Variants in PRMT8 observed in about 807,000 individuals in gnomAD.
PRMT8 encodes the protein protein arginine N-methyltransferase 8.
A neutral mutation model predicts 47.1 loss-of-function variants in PRMT8; 7 were observed. That is an observed-to-expected ratio of 0.15 (90% CI 0.08 to 0.28). The LOEUF (loss-of-function observed/expected upper bound fraction) is 0.28, where lower values mean the gene tolerates loss of function less well. PRMT8 is among the 10% of genes least tolerant of loss of function. PRMT8 has a pLI of 1.00. For synonymous variants in PRMT8, 188 were observed against 186.5 expected, an observed-to-expected ratio of 1.01 and a Z score of -0.07; for missense variants, 237 against 505.4, an observed-to-expected ratio of 0.47 and a Z score of 5.09.
intron 1 of PRMT8, among the ~76,000 whole-genome samples, chr12:3,452,506 G>A (rs1864930506): frequency 6.6e-6 from 1 of 152,206 alleles, no homozygotes; most frequent in South Asian, 2.1e-4. Flanking sequence ...CTCGGAAGCT[G>A]CCCTGGGCTG....
Position 3,450,307 on chromosome 12 carries a change from C to T in PRMT8, c.48+68865C>T, listed in dbSNP as rs141736370. ...TCTTGGATGTTGAATGGATCTTTTA[C>T]CCATATGAGATTTTGTAACATCGTA... On this transcript the variant is annotated intron_variant, in intron 1 of 9. Coordinates refer to the PRMT8 transcript ENST00000452611. Among the ~76,000 whole-genome samples the T allele has an allele frequency of 6.6e-5, 10 of 152,250 alleles. No homozygotes were observed. In the East Asian group the frequency reaches 1.9e-3, roughly 29 times the overall value.
At chr12:3,591,316 G>A (rs935176149) in intron 8 of PRMT8, among the ~76,000 whole-genome samples, 7 of 151,890 alleles carry the variant, frequency 4.6e-5, no homozygotes, top group African/African-American at 1.7e-4. Flanking sequence ...TTCTGATCTG[G>A]TTAGGAAGAT....
At position 3,593,372 on chromosome 12, in the gene PRMT8, C is replaced by T. The variant is rs536540746; in HGVS notation, c.*190C>T. ...CTGGACAGAAGGCCTCCAGCTCCTC[C>T]GCTCTGCCCTGGTAGCCCTTCACGA... On this transcript the variant is annotated 3_prime_UTR_variant, in exon 10 of 10. Transcript: ENST00000382622. This position sits in a 1 kb window ranked among gnomAD's most constrained non-coding sequence, Gnocchi z 4.8. 1.8e-4 allele frequency: 102 copies of T among 575,070 alleles called. No individual in the cohort carries two copies. The highest frequency in any genetic ancestry group is 6.8e-4 in the Admixed American group (20 of 29,286). The allele number at this position is 575,070 out of a possible 1,614,324, so 35.6% of individuals were successfully genotyped here.
chr12:3,381,415 T>C (rs750395262), exon 1 of PRMT8: 17 of 1,536,030 alleles, frequency 1.1e-5, no homozygotes, highest in Admixed American at 3.9e-5. Flanking sequence ...TGGCTTCAGA[T>C]GGATTCAAGC....
chr12:3,397,933 G>A (rs11830352), intron 1 of PRMT8, among the ~76,000 whole-genome samples: 34,941 of 152,112 alleles, frequency 0.23, 4,167 homozygotes, highest in Middle Eastern at 0.28. Context: ...TTTTAAGCCC[G>A]TCGGAAAAGC....
chr12:3,567,666 TA>T (rs1213193387), intron 4 of PRMT8, among the ~76,000 whole-genome samples: 9 of 152,218 alleles, frequency 5.9e-5, no homozygotes, highest in Non-Finnish European at 8.8e-5. Context: ...CCACAGGGGT[TA>T]GGGGTGCCAA....
At chr12:3,448,631 C>T (rs35330987) in intron 1 of PRMT8, among the ~76,000 whole-genome samples, 1 of 151,926 alleles carries the variant, frequency 6.6e-6, no homozygotes, top group African/African-American at 2.4e-5. Context: ...ACTTTGATAA[C>T]CAAAAAGTCG....
chr12:3,484,478 G>C (rs756764241), intron 1 of PRMT8, among the ~76,000 whole-genome samples: 1 of 152,222 alleles, frequency 6.6e-6, no homozygotes, highest in South Asian at 2.1e-4. Context: ...GTCTCTGTCT[G>C]CTATGGTTAA....
At chr12:3,407,649 T>C (rs1276218327) in intron 1 of PRMT8, among the ~76,000 whole-genome samples, 1 of 152,200 alleles carries the variant, frequency 6.6e-6, no homozygotes, top group Non-Finnish European at 1.5e-5. Flanking sequence ...TGGATCTGGA[T>C]GTCTATGTCT....
intron 1 of PRMT8, among the ~76,000 whole-genome samples, chr12:3,381,950 G>T (rs547954815): frequency 6.6e-6 from 1 of 152,280 alleles, no homozygotes; most frequent in South Asian, 2.1e-4. Context: ...GTCATTTCAA[G>T]ATAGCTACAT....
rs1866725654 is a variant in PRMT8, at chr12:3,566,652, C to A, written c.482-2054C>A. On this transcript the variant is annotated intron_variant, in intron 4 of 9. Transcript: ENST00000382622. The surrounding 1 kb of genome is among the most constrained non-coding windows in gnomAD (Gnocchi z 4.7). ...CTGTGAAGAAACTAAATAAAGCCAG[C>A]AAACGGTGTGCTCTTTGCCATCCAG... Among the ~76,000 whole-genome samples, 1 of 152,196 alleles carries A rather than the reference C, an allele frequency of 6.6e-6. No homozygotes were observed. The highest frequency in any genetic ancestry group is 2.4e-5 in the African/African-American group (1 of 41,450).
chr12:3,416,772 GAC>G (rs1864487718), intron 1 of PRMT8, among the ~76,000 whole-genome samples: 1 of 152,222 alleles, frequency 6.6e-6, no homozygotes, highest in Non-Finnish European at 1.5e-5. Context: ...GTTGAGGAAA[GAC>G]AATGTCAGGA....
chr12:3,443,408 G>T (rs1864823885), intron 1 of PRMT8, among the ~76,000 whole-genome samples: 1 of 152,078 alleles, frequency 6.6e-6, no homozygotes, highest in African/African-American at 2.4e-5. Context: ...GCCCAGTGTT[G>T]CTTAAGCCAA....
intron 1 of PRMT8, among the ~76,000 whole-genome samples, chr12:3,410,924 C>G (rs1252078456): frequency 6.6e-6 from 1 of 152,196 alleles, no homozygotes; most frequent in African/African-American, 2.4e-5. Context: ...AACATTGTGT[C>G]TGAAAAATAT....
intron 1 of PRMT8, among the ~76,000 whole-genome samples, chr12:3,405,231 T>A (rs559570350): frequency 1.3e-5 from 2 of 152,112 alleles, no homozygotes; most frequent in Non-Finnish European, 2.9e-5. Context: ...CCATCAGATC[T>A]TGTGAAAACT....
In PRMT8 at chr12:3,453,242, G is replaced by T. The variant is rs190686553; in HGVS notation, c.48+71800G>T. On this transcript the variant is annotated intron_variant, in intron 1 of 9. Transcript: ENST00000452611. This position sits in a 1 kb window ranked among gnomAD's most constrained non-coding sequence, Gnocchi z 4.9. ...AAGCCACGGTTCCTTCCCTCCCCAC[G>T]CCCCTCGCTCACTCTAGTCCTGGCT... Among the ~76,000 whole-genome samples, 1 of 152,078 alleles carries T rather than the reference G, an allele frequency of 6.6e-6. No homozygotes were observed. The highest frequency in any genetic ancestry group is 2.4e-5 in the African/African-American group (1 of 41,384).
chr12:3,432,115 G>A (rs138072857), intron 1 of PRMT8, among the ~76,000 whole-genome samples: 1 of 152,308 alleles, frequency 6.6e-6, no homozygotes, highest in African/African-American at 2.4e-5. Context: ...GAGAAGGCCC[G>A]AGTTGAAGTG....
intron 2 of PRMT8, among the ~76,000 whole-genome samples, chr12:3,545,171 G>A (rs975220104): frequency 6.6e-6 from 1 of 152,214 alleles, no homozygotes; most frequent in Admixed American, 6.5e-5. Context: ...GTTTCCAGAT[G>A]AGGGAACTGA....
intron 1 of PRMT8, among the ~76,000 whole-genome samples, chr12:3,415,297 C>G (rs2137058122): frequency 6.6e-6 from 1 of 152,270 alleles, no homozygotes; most frequent in East Asian, 1.9e-4. Flanking sequence ...GTTAAGCTTT[C>G]TGGAAGCCCC....
Sources: gnomAD v4.1 joint callset for allele counts (sites outside exome capture counted in the v4.1 genomes callset) on GRCh38, gnomAD v4.1.1 for gene constraint, Gnocchi (gnomAD v3.1) non-coding constraint, MANE v1.5 for transcripts, NCBI Gene and HGNC (gene_info 2026-07-23, HGNC 2026-07-21) for gene names.